TECTA: variants seen among roughly 807,000 people sequenced by gnomAD.
TECTA encodes the protein tectorin alpha.
In TECTA, 128 loss-of-function variants were observed where a neutral mutation model predicts 216.8. That is an observed-to-expected ratio of 0.59 (90% CI 0.51 to 0.68). The LOEUF (loss-of-function observed/expected upper bound fraction) is 0.68, where lower values mean the gene tolerates loss of function less well. TECTA is among the 30% of genes least tolerant of loss of function. The pLI, the probability that TECTA is intolerant of heterozygous loss-of-function variation, is 0.00. For missense variants in TECTA, 2,551 were observed against 2,786.2 expected, an observed-to-expected ratio of 0.92 and a Z score of 1.90; for synonymous variants, 1,089 against 1,117.1, an observed-to-expected ratio of 0.97 and a Z score of 0.50.
At chr11:121,172,101 C>A (rs1228424344) in intron 20 of TECTA, among the ~76,000 whole-genome samples, 1 of 152,122 alleles carries the variant, frequency 6.6e-6, no homozygotes, top group Non-Finnish European at 1.5e-5. Flanking sequence ...GAATTTTTAT[C>A]ATAAAGGGAC....
intron 8 of TECTA, among the ~76,000 whole-genome samples, chr11:121,126,419 C>T (rs1946613037): frequency 6.6e-6 from 1 of 152,126 alleles, no homozygotes; most frequent in Non-Finnish European, 1.5e-5. Context: ...TAGGAAAAGC[C>T]CCAACTTTGA....
At chr11:121,106,042 C>T (rs1380331680) in intron 3 of TECTA, 78 bp downstream of exon 3, 2 of 1,607,668 alleles carry the variant, frequency 1.2e-6, no homozygotes, top group Non-Finnish European at 1.7e-6. Flanking sequence ...TTTAAGTATC[C>T]TCTTCCAGAG....
At chr11:121,165,504 T>G (rs1947044091) in intron 17 of TECTA, 121 bp downstream of exon 17, 1 of 777,094 alleles carries the variant, frequency 1.3e-6, no homozygotes, top group Non-Finnish European at 2.1e-6. Flanking sequence ...TTCAGGAGCA[T>G]TTAAGCAGAA....
In TECTA at chr11:121,113,943, T is replaced by C. The variant is rs1946471080; in HGVS notation, c.790+225T>C. On this transcript the variant is annotated intron_variant, in intron 6 of 23. Coordinates refer to ENST00000392793, the MANE Select transcript of TECTA (RefSeq NM_005422.4). This position sits in a 1 kb window ranked among gnomAD's most constrained non-coding sequence, Gnocchi z 4.2. ...GCTTTGGAAGTCCTTTTCTGGAGTG[T>C]GCACACAGTTATCCGTTCTGAACAA... 6.6e-6 allele frequency among the ~76,000 whole-genome samples: 1 copy of C among 152,190 alleles called. No homozygotes were observed. Among genetic ancestry groups the C allele is most frequent in the South Asian group, 2.1e-4 (1 of 4,828 alleles).
At chr11:121,120,951 G>A (rs2135071208) in intron 7 of TECTA, among the ~76,000 whole-genome samples, 1 of 152,328 alleles carries the variant, frequency 6.6e-6, no homozygotes, top group East Asian at 1.9e-4. Flanking sequence ...TTCTTTGTGA[G>A]ACAGGGCCCT....
chr11:121,108,175 CTTAT>C (rs1244629543), intron 3 of TECTA, among the ~76,000 whole-genome samples: 7 of 152,060 alleles, frequency 4.6e-5, no homozygotes, highest in Non-Finnish European at 7.4e-5. Context: ...TACTTCCATG[CTTAT>C]TTATTTTTCC....
intron 6 of TECTA, among the ~76,000 whole-genome samples, chr11:121,116,560 G>C (rs1042994518): frequency 2.0e-5 from 3 of 152,178 alleles, no homozygotes; most frequent in Non-Finnish European, 4.4e-5. Context: ...ATAGGTTTGG[G>C]TTTCATATAC....
chr11:121,104,721 G>T (rs1204465534), intron 2 of TECTA, among the ~76,000 whole-genome samples: 1 of 151,976 alleles, frequency 6.6e-6, no homozygotes, highest in Non-Finnish European at 1.5e-5. Context: ...CACAGAGCAG[G>T]GACTTTCCCA....
chr11:121,125,972 C>A, intron 8 of TECTA, 100 bp downstream of exon 8: 1 of 1,370,408 alleles, frequency 7.3e-7, no homozygotes, highest in Non-Finnish European at 1.0e-6. Flanking sequence ...ACTTGTGACC[C>A]AAGAATGAGG....
In TECTA at chr11:121,145,695, AG is replaced by A. The variant is rs769853087; in HGVS notation, c.3685del (p.Val1229SerfsTer43). Reference protein sequence around the residue: ...YDWKTFLSITVPRSMQNSTYG... With the variant: ...YDWKTFLSITXPRSMQNSTYG... ...ACTGGAAGACCTTCCTGTCCATCAC[AG>A]TCCCTCGGAGCATGCAGAACAGCAC... On this transcript the variant is annotated frameshift_variant, in exon 12 of 24. Coordinates refer to ENST00000392793, the MANE Select transcript of TECTA (RefSeq NM_005422.4). LOFTEE classifies it high-confidence loss of function. The A allele has an allele frequency of 3.7e-6, 6 of 1,614,246 alleles. No individual in the cohort carries two copies. Among genetic ancestry groups the A allele is most frequent in the Non-Finnish European group, 5.1e-6 (6 of 1,180,044 alleles).
At position 121,125,519 on chromosome 11, in the gene TECTA, G is replaced by T; in HGVS notation, c.1421G>T (p.Arg474Leu). ...AAAAACCCACTGGATGACTTCCTCC[G>T]CCCGGATGGCAGGCCGGCCATGTCT... ...YNKNPLDDFL[R>L]PDGRPAMSVL... is the part of the protein sequence containing the mutation. Residue 474 changes from arginine to leucine, a missense_variant, in exon 8 of 24, where the codon CGC becomes CTC. Transcript: ENST00000392793. 6.2e-7 allele frequency: 1 copy of T among 1,614,162 alleles called. No homozygotes were observed. Among genetic ancestry groups the T allele is most frequent in the Non-Finnish European group, 8.5e-7 (1 of 1,180,050 alleles).
chr11:121,111,157 G>C (rs1946438373), intron 4 of TECTA, among the ~76,000 whole-genome samples: 1 of 152,158 alleles, frequency 6.6e-6, no homozygotes, highest in Non-Finnish European at 1.5e-5. Flanking sequence ...TTTACTGAGG[G>C]TTTACTATGT....
At chr11:121,139,180 C>G (rs1946759899) in intron 11 of TECTA, among the ~76,000 whole-genome samples, 1 of 152,208 alleles carries the variant, frequency 6.6e-6, no homozygotes, top group South Asian at 2.1e-4. Context: ...CACCACAAAC[C>G]TAAATCCCAG....
intron 13 of TECTA, among the ~76,000 whole-genome samples, chr11:121,154,516 C>G (rs1946922929): frequency 6.6e-6 from 1 of 152,166 alleles, no homozygotes; most frequent in African/African-American, 2.4e-5. Flanking sequence ...GCTCAAAACT[C>G]AAAAAGCACT....
chr11:121,117,000 A>T (rs545626199), intron 6 of TECTA, among the ~76,000 whole-genome samples: 74 of 152,270 alleles, frequency 4.9e-4, no homozygotes, highest in African/African-American at 1.7e-3. Context: ...TTGAAACATC[A>T]TTGTTCCTGT....
At position 121,113,198 on chromosome 11, in the gene TECTA, G is replaced by C. The variant is rs375107647; in HGVS notation, c.613G>C (p.Val205Leu). 8.1e-6 allele frequency: 13 copies of C among 1,613,940 alleles called. No individual in the cohort carries two copies. The Admixed American group carries it at 2.0e-4, about 25-fold the overall frequency. Residue 205 changes from valine to leucine, a missense_variant, in exon 5 of 24, where the codon GTG (valine) becomes CTG (leucine). Physicochemically the swap from Val to Leu is conservative, Grantham distance 32 (BLOSUM62 1). Around this residue, in one of 3 missense-constraint regions of TECTA, gnomAD observed 2,375 missense variants for 2,563.9 expected, o/e 0.93. Coordinates refer to ENST00000392793, the MANE Select transcript of TECTA (RefSeq NM_005422.4). This position sits in a 1 kb window ranked among gnomAD's most constrained non-coding sequence, Gnocchi z 4.2. ...CGACCCCCTGACAGGTCTTGGTGGA[G>C]TGATGGCACAGGTAGGTGGCTCTCC... ...GGDPLTGLGG[V>L]MAQAGFNGGN...
Position 121,113,097 on chromosome 11 carries a change from T to C in TECTA, c.512T>C (p.Val171Ala). The C allele has an allele frequency of 1.2e-6, 2 of 1,614,150 alleles. No homozygotes were observed. The highest frequency in any genetic ancestry group is 1.7e-6 in the Non-Finnish European group (2 of 1,180,020). ...TPVNTFQAVL[V>A]SDGSYTFTLF... ...GTGAACACCTTCCAGGCCGTCCTAG[T>C]GTCCGATGGCTCCTATACATTCACC... Residue 171 changes from valine (V) to alanine (A), a missense_variant, in exon 5 of 24, where the codon GTG becomes GCG. Physicochemically the swap from Val to Ala is moderately conservative, Grantham distance 64. Coordinates refer to ENST00000392793, the MANE Select transcript of TECTA (RefSeq NM_005422.4). This position sits in a 1 kb window ranked among gnomAD's most constrained non-coding sequence, Gnocchi z 4.2.
intron 11 of TECTA, among the ~76,000 whole-genome samples, chr11:121,143,425 C>T (rs1010991555): frequency 6.6e-6 from 1 of 152,260 alleles, no homozygotes; most frequent in Non-Finnish European, 1.5e-5. Flanking sequence ...AACCCCTCCT[C>T]CTCCTTTGAG....
chr11:121,167,272 A>T (rs1355423069), intron 18 of TECTA, among the ~76,000 whole-genome samples: 2 of 152,134 alleles, frequency 1.3e-5, no homozygotes, highest in Non-Finnish European at 2.9e-5. Context: ...CTCTATTTTT[A>T]AAAAATCTAA....
Sources: allele counts gnomAD v4.1 joint callset (sites outside exome capture counted in the v4.1 genomes callset), GRCh38; gene constraint gnomAD v4.1.1; regional missense constraint gnomAD v4.1.1; non-coding constraint Gnocchi (gnomAD v3.1); transcripts MANE v1.5; gene names NCBI Gene and HGNC (gene_info 2026-07-23, HGNC 2026-07-21).